Variants in PKIA observed in about 807,000 individuals in gnomAD.
PKIA encodes the protein cAMP-dependent protein kinase inhibitor alpha, also known as PKI-alpha.
PKIA carries 4 observed loss-of-function variants against 7.6 expected under a neutral mutation model. The observed-to-expected ratio is 0.52, with a 90% confidence interval of 0.26 to 1.20. PKIA has a LOEUF of 1.20. Among genes scored for constraint, PKIA ranks in the 50% most tolerant of loss-of-function variants. The pLI, the probability that PKIA is intolerant of heterozygous loss-of-function variation, is 0.13. For synonymous variants in PKIA, 21 were observed against 30.7 expected, an observed-to-expected ratio of 0.68 and a Z score of 1.04; for missense variants, 73 against 86.2, an observed-to-expected ratio of 0.85 and a Z score of 0.61.
chr8:78,559,025 G>A (rs1807219651), intron 1 of PKIA, among the ~76,000 whole-genome samples: 1 of 152,104 alleles, frequency 6.6e-6, no homozygotes, highest in Non-Finnish European at 1.5e-5. Context: ...GGGTTCCAGC[G>A]ATTCTCCTGC....
chr8:78,531,737 A>C (rs1806389110), intron 1 of PKIA, among the ~76,000 whole-genome samples: 1 of 151,698 alleles, frequency 6.6e-6, no homozygotes, highest in African/African-American at 2.4e-5. Flanking sequence ...TTGGATCCCT[A>C]CTCTTTGTTG....
At chr8:78,601,153 G>A (rs907460318) in intron 3 of PKIA, among the ~76,000 whole-genome samples, 6 of 152,008 alleles carry the variant, frequency 3.9e-5, no homozygotes, top group African/African-American at 1.2e-4. Context: ...TTGTGCACAT[G>A]TTCTCTAAGG....
chr8:78,524,217 CATTTATATTTATATATAAAT>C (rs1809497848), intron 1 of PKIA, among the ~76,000 whole-genome samples: 2 of 127,292 alleles, frequency 1.6e-5, no homozygotes, highest in African/African-American at 6.6e-5. Flanking sequence ...TATATATAAA[CATTTATATTTATATATAAAT>C]ATATATGTTT....
At chr8:78,598,326 T>C in intron 2 of PKIA, 32 bp from the exon 3 acceptor site, 1 of 1,358,920 alleles carries the variant, frequency 7.4e-7, no homozygotes, top group Non-Finnish European at 1.0e-6. Context: ...ACTACCATTA[T>C]ATTCACCTAT....
intron 1 of PKIA, among the ~76,000 whole-genome samples, chr8:78,570,795 C>T (rs975556184): frequency 6.6e-5 from 10 of 152,066 alleles, no homozygotes; most frequent in African/African-American, 2.4e-4. Flanking sequence ...CTGTTCTGTT[C>T]CTTAACCATT....
intron 1 of PKIA, among the ~76,000 whole-genome samples, chr8:78,562,345 T>A (rs1402055906): frequency 1.3e-5 from 2 of 152,282 alleles, no homozygotes; most frequent in East Asian, 3.9e-4. Flanking sequence ...CACAGCTATT[T>A]TATTTTTATA....
intron 1 of PKIA, among the ~76,000 whole-genome samples, chr8:78,557,066 T>C (rs1220944230): frequency 6.6e-6 from 1 of 152,122 alleles, no homozygotes; most frequent in Non-Finnish European, 1.5e-5. Flanking sequence ...ATTTTTTTCC[T>C]CCTAACCTTC....
chr8:78,589,339 A>G (rs1399112562), intron 2 of PKIA, among the ~76,000 whole-genome samples: 1 of 152,216 alleles, frequency 6.6e-6, no homozygotes, highest in Non-Finnish European at 1.5e-5. Context: ...AGGAATGAGT[A>G]TAAGAATTTA....
chr8:78,518,193 G>A (rs977805587), intron 1 of PKIA, among the ~76,000 whole-genome samples: 2 of 152,208 alleles, frequency 1.3e-5, no homozygotes, highest in African/African-American at 4.8e-5. Context: ...TAGGGTGAGG[G>A]TGTAGGGGGT....
At chr8:78,571,640 G>T (rs138751829) in intron 1 of PKIA, among the ~76,000 whole-genome samples, 382 of 152,250 alleles carry the variant, frequency 2.5e-3, no homozygotes, top group African/African-American at 7.8e-3. Context: ...AACCTGTTCA[G>T]TGCTGTGCCT....
In PKIA at chr8:78,601,853, A is replaced by C; in HGVS notation, c.*32A>C. ...ACTTTGACCCTCGACCACACCTGAA[A>C]ATGTCTCAAATCTCCAGGAGTATCT... On this transcript the variant is annotated 3_prime_UTR_variant, in exon 4 of 4. Transcript: ENST00000396418. The C allele has an allele frequency of 6.7e-7, 1 of 1,489,226 alleles. No individual in the cohort carries two copies. The highest frequency in any genetic ancestry group is 2.3e-5 in the East Asian group (1 of 44,226). The allele number at this position is 1,489,226 out of a possible 1,614,324, so 92.3% of individuals were successfully genotyped here.
chr8:78,524,033 CGTT>C (rs1809480881), intron 1 of PKIA, among the ~76,000 whole-genome samples: 1 of 84,282 alleles, frequency 1.2e-5, no homozygotes. Context: ...TTTATATAAA[CGTT>C]TATATATATA....
intron 1 of PKIA, among the ~76,000 whole-genome samples, chr8:78,551,034 A>C (rs1469070931): frequency 2.0e-5 from 3 of 152,096 alleles, no homozygotes; most frequent in African/African-American, 7.2e-5. Flanking sequence ...TATGAGGGCA[A>C]GAATCTTGTG....
intron 2 of PKIA, among the ~76,000 whole-genome samples, chr8:78,587,698 T>C (rs1807979016): frequency 6.6e-6 from 1 of 152,158 alleles, no homozygotes; most frequent in Non-Finnish European, 1.5e-5. Context: ...GAAGTGAAAA[T>C]AGGTTAGATT....
intron 1 of PKIA, among the ~76,000 whole-genome samples, chr8:78,549,781 C>T (rs1373620791): frequency 6.6e-6 from 1 of 150,494 alleles, no homozygotes; most frequent in Non-Finnish European, 1.5e-5. Flanking sequence ...ATTACTTGAG[C>T]CTACTCAGAG....
intron 3 of PKIA, among the ~76,000 whole-genome samples, chr8:78,600,758 C>T (rs1265237182): frequency 6.6e-6 from 1 of 151,986 alleles, no homozygotes; most frequent in African/African-American, 2.4e-5. Context: ...GTTTTAATTT[C>T]CCTAAAGATT....
intron 1 of PKIA, chr8:78,558,305 C>T (rs1422186476): frequency 6.6e-6 from 1 of 152,164 alleles, no homozygotes; most frequent in Admixed American, 6.6e-5. Context: ...GCTTGAACTC[C>T]ACTAATTCTA....
intron 1 of PKIA, among the ~76,000 whole-genome samples, chr8:78,537,384 A>G (rs1032076934): frequency 2.6e-5 from 4 of 151,886 alleles, no homozygotes; most frequent in Non-Finnish European, 4.4e-5. Flanking sequence ...CTTGCTCTCT[A>G]TTGTCTGAAG....
At chr8:78,533,167 C>G (rs1244239198) in intron 1 of PKIA, among the ~76,000 whole-genome samples, 1 of 152,074 alleles carries the variant, frequency 6.6e-6, no homozygotes. Context: ...CTTACATGCC[C>G]TCTTCTCAAC....
Sources: gnomAD v4.1 joint callset for allele counts (sites outside exome capture counted in the v4.1 genomes callset) on GRCh38, gnomAD v4.1.1 for gene constraint, MANE v1.5 for transcripts, NCBI Gene and HGNC (gene_info 2026-07-23, HGNC 2026-07-21) for gene names.